Variants in SETBP1 observed in about 807,000 individuals in gnomAD.
SETBP1 encodes SET-binding protein.
SETBP1 carries 9 observed loss-of-function variants against 101.0 expected under a neutral mutation model. The observed-to-expected ratio is 0.09, with a 90% confidence interval of 0.05 to 0.16. The LOEUF is 0.16. Ranked by LOEUF, SETBP1 falls within the 10% of genes least tolerant of loss-of-function variation. The pLI, the probability that SETBP1 is intolerant of heterozygous loss-of-function variation, is 1.00. For missense variants in SETBP1, 1,858 were observed against 2,033.8 expected (o/e 0.91, Z 1.66); for synonymous variants, 818 against 788.5 (o/e 1.04, Z -0.63).
intron 4 of SETBP1, among the ~76,000 whole-genome samples, chr18:44,978,331 ACTGGAAG>A (rs2072036896): frequency 1.3e-5 from 2 of 152,138 alleles, no homozygotes; most frequent in African/African-American, 2.4e-5. Flanking sequence ...AAGGAGAGAA[ACTGGAAG>A]CTGGGCCCAG....
intron 3 of SETBP1, among the ~76,000 whole-genome samples, chr18:44,888,357 G>C (rs956798132): frequency 6.6e-6 from 1 of 151,986 alleles, no homozygotes; most frequent in African/African-American, 2.4e-5. Context: ...ACACAGCCAG[G>C]GGTTTTGCTC....
chr18:44,806,087 T>C lies in SETBP1; in HGVS notation c.487-63143T>C, dbSNP rs562757575. Among the ~76,000 whole-genome samples the C allele has an allele frequency of 4.5e-4, 69 of 152,238 alleles. 1 individual carries two copies. Among genetic ancestry groups the C allele is most frequent in the African/African-American group, 1.7e-3 (69 of 41,550 alleles). ...TCTTGATATTTCTGTTATCCTGAAG[T>C]ACCATGTGTGCATACATGCACCTGC... On this transcript the variant is annotated intron_variant, in intron 2 of 5. Coordinates refer to ENST00000649279, the MANE Select transcript of SETBP1 (RefSeq NM_015559.3).
intron 5 of SETBP1, among the ~76,000 whole-genome samples, chr18:45,055,991 G>A (rs1012249767): frequency 2.0e-5 from 3 of 152,146 alleles, no homozygotes; most frequent in Non-Finnish European, 4.4e-5. Flanking sequence ...TTCTGGCCCA[G>A]TTTACTGTAA....
chr18:44,767,925 G>A (rs2070793039), intron 2 of SETBP1, among the ~76,000 whole-genome samples: 1 of 152,190 alleles, frequency 6.6e-6, no homozygotes, highest in Non-Finnish European at 1.5e-5. Flanking sequence ...ACAGTGTCCT[G>A]AGAACTATTG....
intron 4 of SETBP1, among the ~76,000 whole-genome samples, chr18:44,965,498 A>G (rs2071703002): frequency 6.6e-6 from 1 of 152,170 alleles, no homozygotes; most frequent in Admixed American, 6.6e-5. Context: ...ATAAAATCAT[A>G]AAGCCAATAG....
chr18:44,886,346 A>T (rs192064442), intron 3 of SETBP1, among the ~76,000 whole-genome samples: 1 of 152,218 alleles, frequency 6.6e-6, no homozygotes, highest in East Asian at 1.9e-4. Flanking sequence ...AGGATTTTCA[A>T]TATAGGTGTA....
intron 1 of SETBP1, among the ~76,000 whole-genome samples, chr18:44,694,215 A>T (rs778512676): frequency 3.3e-5 from 5 of 152,112 alleles, no homozygotes; most frequent in Non-Finnish European, 5.9e-5. Context: ...GCTCGTTCTT[A>T]TGGTGTAAAC....
chr18:44,927,479 ACTCT>A (rs953855352), intron 3 of SETBP1, among the ~76,000 whole-genome samples: 3 of 152,158 alleles, frequency 2.0e-5, no homozygotes, highest in Admixed American at 6.5e-5. Context: ...AAAAGACAAA[ACTCT>A]CTAAGAAAAG....
At position 44,963,790 on chromosome 18, in the gene SETBP1, T is replaced by A. The variant is rs866975135; in HGVS notation, c.4000+10450T>A. Among the ~76,000 whole-genome samples, 6 of 146,056 alleles carry A rather than the reference T, an allele frequency of 4.1e-5. 1 individual carries two copies. In the Middle Eastern group the frequency reaches 0.019, roughly 458 times the overall value. On this transcript the variant is annotated intron_variant, in intron 4 of 5. Transcript: ENST00000649279. ...CTGTAGTCCCAGCTACTTGGGAGGC[T>A]GAGGTGGGACGACTGCTTGAGCCCA...
At chr18:44,897,826 A>G (rs903559470) in intron 3 of SETBP1, among the ~76,000 whole-genome samples, 13 of 152,140 alleles carry the variant, frequency 8.5e-5, no homozygotes, top group African/African-American at 3.1e-4. Context: ...GGTTATGGTG[A>G]CCACATTCAT....
Position 44,952,836 on chromosome 18 carries a change from A to T in SETBP1, c.3496A>T (p.Thr1166Ser). The change falls in exon 4 of 6, where the codon ACC becomes TCC. Residue 1166 changes from threonine to serine, a missense_variant. This residue lies in a region of SETBP1 where 417 missense variants were observed against 389.1 expected (regional missense o/e 1.07). Transcript: ENST00000649279. Reference protein sequence around the residue: ...HKHKEDRILGTHDNLSGLFAG... With the variant: ...HKHKEDRILGSHDNLSGLFAG... ...GCACAAGGAAGACCGGATCCTAGGG[A>T]CCCATGACAACCTGAGTGGTCTTTT... 2 of 1,614,010 alleles carry T rather than the reference A, an allele frequency of 1.2e-6. No individual in the cohort carries two copies. Among genetic ancestry groups the T allele is most frequent in the South Asian group, 1.1e-5 (1 of 91,068 alleles).
intron 3 of SETBP1, among the ~76,000 whole-genome samples, chr18:44,902,131 G>A (rs1051660830): frequency 1.3e-5 from 2 of 152,092 alleles, no homozygotes; most frequent in East Asian, 1.9e-4. Context: ...TCAGTAGTTC[G>A]ATGTGGCTAG....
At chr18:44,849,996 T>C (rs1204419268) in intron 2 of SETBP1, among the ~76,000 whole-genome samples, 1 of 152,232 alleles carries the variant, frequency 6.6e-6, no homozygotes, top group Non-Finnish European at 1.5e-5. Flanking sequence ...TTAGTTCTTT[T>C]AGTATATGCT....
chr18:44,768,390 G>A (rs2070805428), intron 2 of SETBP1, among the ~76,000 whole-genome samples: 1 of 151,736 alleles, frequency 6.6e-6, no homozygotes, highest in South Asian at 2.1e-4. Context: ...GTGTGTGTAT[G>A]TGTGTGTGTG....
chr18:44,902,793 G>T (rs1412387108), intron 3 of SETBP1, among the ~76,000 whole-genome samples: 1 of 151,888 alleles, frequency 6.6e-6, no homozygotes, highest in Non-Finnish European at 1.5e-5. Flanking sequence ...ATGTTATTGG[G>T]ATTATTAGTG....
intron 3 of SETBP1, among the ~76,000 whole-genome samples, chr18:44,929,923 T>C (rs1322476666): frequency 2.6e-5 from 4 of 152,186 alleles, no homozygotes; most frequent in Non-Finnish European, 2.9e-5. Flanking sequence ...CAAATACACT[T>C]TATTTCTTTC....
chr18:44,869,245 G>T lies in SETBP1; in HGVS notation c.502G>T (p.Asp168Tyr), dbSNP rs765274297. 6.2e-7 allele frequency: 1 copy of T among 1,613,946 alleles called. No homozygotes were observed. The highest frequency in any genetic ancestry group is 8.5e-7 in the Non-Finnish European group (1 of 1,179,930). ...TCTTTTGCAGCTCCTCACAGCCAGT[G>T]ACCTTGCAGCCAGTGACCTCAAAGG... ...HSKKKLLTAS[D>Y]LAASDLKGFQ... The change falls in exon 3 of 6, where the codon GAC (aspartate) becomes TAC (tyrosine). Residue 168 changes from aspartate to tyrosine, a missense_variant. By Grantham distance (160) the Asp-to-Tyr change is radical (BLOSUM62 -3). Around this residue, in one of 12 missense-constraint regions of SETBP1, gnomAD observed 581 missense variants for 535.1 expected, o/e 1.09. Transcript: ENST00000649279.
chr18:44,692,576 G>T (rs2068952526), intron 1 of SETBP1, among the ~76,000 whole-genome samples: 1 of 152,172 alleles, frequency 6.6e-6, no homozygotes, highest in Non-Finnish European at 1.5e-5. Context: ...TGGTCTAGTG[G>T]GAGAGAGAGG....
chr18:44,803,563 T>C (rs1048678802), intron 2 of SETBP1, among the ~76,000 whole-genome samples: 3 of 151,780 alleles, frequency 2.0e-5, no homozygotes, highest in African/African-American at 4.8e-5. Flanking sequence ...TACTCTTTCT[T>C]TTCACTTTTC....
Sources: allele counts gnomAD v4.1 joint callset (sites outside exome capture counted in the v4.1 genomes callset), GRCh38; gene constraint gnomAD v4.1.1; regional missense constraint gnomAD v4.1.1; transcripts MANE v1.5; gene names NCBI Gene and HGNC (gene_info 2026-07-23, HGNC 2026-07-21).